CCDC60: variants seen among roughly 807,000 people sequenced by gnomAD.
The protein encoded by CCDC60 is coiled-coil domain containing 60.
In CCDC60, 54 loss-of-function variants were observed where a neutral mutation model predicts 63.5. The ratio of observed to expected loss-of-function variants is 0.85; its 90% CI spans 0.68 to 1.07. The LOEUF (loss-of-function observed/expected upper bound fraction) is 1.07, where lower values mean the gene tolerates loss of function less well. Ranked by LOEUF, CCDC60 falls within the 50% of genes least tolerant of loss-of-function variation. The probability of loss-of-function intolerance (pLI) is 0.00; values close to 1 mark genes in which losing one functional copy is unlikely to be tolerated. For synonymous variants in CCDC60, 206 were observed against 238.8 expected, an observed-to-expected ratio of 0.86 and a Z score of 1.27; for missense variants, 651 against 684.3, an observed-to-expected ratio of 0.95 and a Z score of 0.54.
Position 119,335,256 on chromosome 12 carries a change from A to T in CCDC60, c.80A>T (p.Asn27Ile), listed in dbSNP as rs759415852. The T allele has an allele frequency of 6.3e-7, 1 of 1,598,920 alleles. No individual in the cohort carries two copies. Among genetic ancestry groups the T allele is most frequent in the South Asian group, 1.1e-5 (1 of 88,384 alleles). Residue 27 changes from asparagine (N) to isoleucine (I), a missense_variant, in exon 1 of 14, where the codon AAC becomes ATC. Coordinates refer to ENST00000327554, the MANE Select transcript of CCDC60 (RefSeq NM_178499.5). The stretch of plus-strand genomic sequence containing the variant: ...GTCCGGCCCTTTTATGCCTCGGAGA[A>T]CCTAAGGCAGGTAAGTCTCCCCTCT... ...GAVRPFYASE[N>I]LRQVPDKPMK... is the part of the protein sequence containing the mutation.
intron 1 of CCDC60, among the ~76,000 whole-genome samples, chr12:119,353,950 TTCC>T (rs1460746310): frequency 2.0e-5 from 3 of 152,080 alleles, no homozygotes; most frequent in Non-Finnish European, 2.9e-5. Context: ...GCTCACCCTC[TTCC>T]TGGCTATCTG....
intron 1 of CCDC60, among the ~76,000 whole-genome samples, chr12:119,383,967 C>A (rs1043711763): frequency 6.6e-6 from 1 of 152,112 alleles, no homozygotes; most frequent in African/African-American, 2.4e-5. Context: ...GAGGCCGAGG[C>A]GGGCGGATCA....
chr12:119,382,785 A>AT (rs1956021525), intron 1 of CCDC60, among the ~76,000 whole-genome samples: 1 of 152,194 alleles, frequency 6.6e-6, no homozygotes, highest in Admixed American at 6.5e-5. Flanking sequence ...CACAATAGTG[A>AT]TGTGATTATG....
intron 1 of CCDC60, among the ~76,000 whole-genome samples, chr12:119,416,180 G>A (rs539643467): frequency 7.2e-5 from 11 of 152,234 alleles, no homozygotes; most frequent in Admixed American, 3.9e-4. Flanking sequence ...TCAGGAGTTC[G>A]AGACCAGCCT....
At chr12:119,525,650 C>T (rs750294806) in intron 11 of CCDC60, among the ~76,000 whole-genome samples, 5 of 152,054 alleles carry the variant, frequency 3.3e-5, no homozygotes, top group African/African-American at 4.8e-5. Flanking sequence ...GAAAGGAGCA[C>T]TAAATATAGA....
At chr12:119,486,116 T>A (rs1008803396) in intron 4 of CCDC60, among the ~76,000 whole-genome samples, 1 of 152,204 alleles carries the variant, frequency 6.6e-6, no homozygotes, top group Non-Finnish European at 1.5e-5. Flanking sequence ...CATGGCCCAG[T>A]GCCAGGCATG....
intron 1 of CCDC60, among the ~76,000 whole-genome samples, chr12:119,411,327 C>T (rs940820464): frequency 6.6e-6 from 1 of 152,036 alleles, no homozygotes; most frequent in Admixed American, 6.5e-5. Context: ...AGGGAGGAGG[C>T]CAGACAGTAG....
chr12:119,346,033 C>T (rs1429589422), intron 1 of CCDC60, among the ~76,000 whole-genome samples: 7 of 148,470 alleles, frequency 4.7e-5, no homozygotes, highest in Non-Finnish European at 8.9e-5. Flanking sequence ...CCATATTGCC[C>T]GGGCTGATCC....
chr12:119,448,721 C>G (rs1445890099), intron 2 of CCDC60, among the ~76,000 whole-genome samples: 1 of 151,904 alleles, frequency 6.6e-6, no homozygotes, highest in East Asian at 1.9e-4. Flanking sequence ...GCAAGGCAGA[C>G]TTGGCAATAT....
intron 1 of CCDC60, among the ~76,000 whole-genome samples, chr12:119,349,955 C>T (rs1370252901): frequency 6.6e-6 from 1 of 152,122 alleles, no homozygotes; most frequent in Non-Finnish European, 1.5e-5. Flanking sequence ...GTGACAGCCA[C>T]TCTAGTAGTC....
rs759063436 is a variant in CCDC60, at chr12:119,503,818, G to A, written c.649-1251G>A. Among the ~76,000 whole-genome samples, 93 of 152,264 alleles carry A rather than the reference G, an allele frequency of 6.1e-4. 1 individual carries two copies. The Middle Eastern group carries it at 0.02, about 33-fold the overall frequency. ...CTGAATACAATTCTCTCCACCCTGC[G>A]CAATGTGTATTAAATGTTGGTGTGG... On this transcript the variant is annotated intron_variant, in intron 6 of 13. Transcript: ENST00000327554.
intron 12 of CCDC60, among the ~76,000 whole-genome samples, chr12:119,529,401 T>C (rs1952776954): frequency 6.6e-6 from 1 of 152,140 alleles, no homozygotes; most frequent in Admixed American, 6.5e-5. Flanking sequence ...AACTGGTGAA[T>C]TTAGGATTCG....
chr12:119,386,754 A>C (rs1190664762), intron 1 of CCDC60, among the ~76,000 whole-genome samples: 1 of 152,238 alleles, frequency 6.6e-6, no homozygotes, highest in Non-Finnish European at 1.5e-5. Context: ...TACCCAACTC[A>C]GAAAAATGTA....
intron 1 of CCDC60, among the ~76,000 whole-genome samples, chr12:119,418,146 T>G (rs1956737230): frequency 6.6e-6 from 1 of 152,128 alleles, no homozygotes; most frequent in African/African-American, 2.4e-5. Context: ...TTCATATGTA[T>G]GTATGTATGC....
intron 1 of CCDC60, among the ~76,000 whole-genome samples, chr12:119,373,837 C>T (rs1381099227): frequency 6.6e-6 from 1 of 152,174 alleles, no homozygotes; most frequent in South Asian, 2.1e-4. Context: ...GGATGATTGA[C>T]TACATTTTTC....
intron 1 of CCDC60, among the ~76,000 whole-genome samples, chr12:119,341,673 C>G (rs1267065537): frequency 6.6e-6 from 1 of 152,170 alleles, no homozygotes; most frequent in African/African-American, 2.4e-5. Context: ...GCTACCATGA[C>G]TGTTTTGAAG....
intron 6 of CCDC60, among the ~76,000 whole-genome samples, chr12:119,504,456 A>G (rs1951939147): frequency 6.6e-6 from 1 of 152,144 alleles, no homozygotes; most frequent in Non-Finnish European, 1.5e-5. Flanking sequence ...CTAGCCCACT[A>G]CAACCGTGGC....
intron 8 of CCDC60, among the ~76,000 whole-genome samples, chr12:119,519,587 C>T (rs1028821839): frequency 6.6e-6 from 1 of 151,258 alleles, no homozygotes; most frequent in Non-Finnish European, 1.5e-5. Context: ...CTCAGCCTCC[C>T]GAGTAGGTGG....
intron 1 of CCDC60, among the ~76,000 whole-genome samples, chr12:119,345,087 C>T (rs1211636841): frequency 6.6e-6 from 1 of 152,088 alleles, no homozygotes; most frequent in East Asian, 1.9e-4. Flanking sequence ...TTGTTGCCAC[C>T]ACTTTGGTAT....
Sources: allele counts gnomAD v4.1 joint callset (sites outside exome capture counted in the v4.1 genomes callset), GRCh38; gene constraint gnomAD v4.1.1; transcripts MANE v1.5; gene names NCBI Gene and HGNC (gene_info 2026-07-23, HGNC 2026-07-21).